Variants in DAPL1 observed in about 807,000 individuals in gnomAD.
DAPL1 encodes death-associated protein-like 1.
Under a neutral mutation model 12.9 loss-of-function variants are expected in DAPL1, and 17 were observed. That is an observed-to-expected ratio of 1.32 (90% confidence interval 0.90 to 1.98). DAPL1 has a LOEUF of 1.98. DAPL1 is among the 30% of genes most tolerant of loss of function. The pLI, the probability that DAPL1 is intolerant of heterozygous loss-of-function variation, is 0.00. For missense variants in DAPL1, 157 were observed against 125.7 expected, an observed-to-expected ratio of 1.25 and a Z score of -1.19; for synonymous variants, 51 against 42.0, an observed-to-expected ratio of 1.21 and a Z score of -0.82.
At chr2:158,798,817 A>G (rs562410508) in intron 1 of DAPL1, among the ~76,000 whole-genome samples, 1 of 152,230 alleles carries the variant, frequency 6.6e-6, no homozygotes, top group South Asian at 2.1e-4. Context: ...CATTTTGCAA[A>G]CATCTAAACT....
intron 3 of DAPL1, among the ~76,000 whole-genome samples, chr2:158,812,005 C>T (rs753349560): frequency 3.9e-5 from 6 of 152,160 alleles, no homozygotes; most frequent in Non-Finnish European, 8.8e-5. Flanking sequence ...TTCATCAATT[C>T]TGATGAAGAT....
At chr2:158,810,082 A>G (rs72995175) in intron 3 of DAPL1, among the ~76,000 whole-genome samples, 1 of 152,146 alleles carries the variant, frequency 6.6e-6, no homozygotes, top group Non-Finnish European at 1.5e-5. Context: ...ACTTGTCAAG[A>G]CTCATAAAGC....
At position 158,807,043 on chromosome 2, in the gene DAPL1, T is replaced by C. The variant is rs1401839031; in HGVS notation, c.147-12T>C. ...TTTAAGTCCTGTTCAAAGTTTCTTT[T>C]CATCTTCACAGTGCCATTGCAAATG... On this transcript the variant is annotated splice_polypyrimidine_tract_variant and intron_variant, in intron 2 of 3. Coordinates refer to ENST00000309950, the MANE Select transcript of DAPL1 (RefSeq NM_001017920.3). 1 of 1,611,910 alleles carries C rather than the reference T, an allele frequency of 6.2e-7. No homozygotes were observed. The highest frequency in any genetic ancestry group is 1.3e-5 in the African/African-American group (1 of 74,876).
chr2:158,797,913 G>A (rs2059143901), intron 1 of DAPL1, among the ~76,000 whole-genome samples: 1 of 152,132 alleles, frequency 6.6e-6, no homozygotes, highest in Admixed American at 6.5e-5. Context: ...GATAGCCCTA[G>A]TTATACATTT....
At chr2:158,796,331 G>A (rs2059134272) in intron 1 of DAPL1, among the ~76,000 whole-genome samples, 1 of 152,162 alleles carries the variant, frequency 6.6e-6, no homozygotes, top group African/African-American at 2.4e-5. Flanking sequence ...TTGCTGCAGA[G>A]GGTGATGGCG....
chr2:158,810,867 A>C (rs1206548090), intron 3 of DAPL1, among the ~76,000 whole-genome samples: 1 of 152,238 alleles, frequency 6.6e-6, no homozygotes, highest in Admixed American at 6.5e-5. Flanking sequence ...GTCTTAGATC[A>C]AGTTCCACCC....
intron 3 of DAPL1, among the ~76,000 whole-genome samples, chr2:158,814,335 T>C (rs2059248649): frequency 1.3e-5 from 2 of 152,230 alleles, no homozygotes; most frequent in Admixed American, 1.3e-4. Flanking sequence ...ATGCAACATT[T>C]ATGATCAATA....
chr2:158,808,341 T>A (rs2059213037), intron 3 of DAPL1, among the ~76,000 whole-genome samples: 3 of 152,182 alleles, frequency 2.0e-5, no homozygotes, highest in Non-Finnish European at 4.4e-5. Context: ...TTCAGTTACA[T>A]GTGTGTATAA....
intron 1 of DAPL1, among the ~76,000 whole-genome samples, chr2:158,799,970 A>C (rs1218253679): frequency 1.3e-5 from 2 of 151,600 alleles, no homozygotes; most frequent in East Asian, 3.9e-4. Context: ...AGGCTGAGGC[A>C]GGAGAATCAC....
intron 3 of DAPL1, among the ~76,000 whole-genome samples, chr2:158,810,583 C>T (rs926563177): frequency 6.6e-6 from 1 of 152,062 alleles, no homozygotes; most frequent in Non-Finnish European, 1.5e-5. Context: ...AAAAATAGTC[C>T]CCGAAGGGCT....
chr2:158,798,465 A>G (rs570277957), intron 1 of DAPL1, among the ~76,000 whole-genome samples: 1 of 152,346 alleles, frequency 6.6e-6, no homozygotes, highest in Non-Finnish European at 1.5e-5. Flanking sequence ...CTCCTGCCCC[A>G]GGGGACAGGG....
intron 1 of DAPL1, among the ~76,000 whole-genome samples, chr2:158,802,421 G>C (rs1218788464): frequency 6.6e-6 from 1 of 152,208 alleles, no homozygotes; most frequent in African/African-American, 2.4e-5. Flanking sequence ...ATGCTAAGAT[G>C]TTTACAGCTG....
intron 1 of DAPL1, among the ~76,000 whole-genome samples, chr2:158,803,301 T>C (rs548035064): frequency 8.5e-5 from 13 of 152,316 alleles, no homozygotes; most frequent in African/African-American, 2.4e-4. Flanking sequence ...ACCAAGACAA[T>C]AAATTAAGTA....
intron 3 of DAPL1, among the ~76,000 whole-genome samples, chr2:158,814,000 CA>C (rs148013117): frequency 0.012 from 1,755 of 152,310 alleles, 32 homozygotes; most frequent in African/African-American, 0.04. Flanking sequence ...TCTGTTATAT[CA>C]GAGTTTTTTT....
intron 1 of DAPL1, among the ~76,000 whole-genome samples, chr2:158,795,692 G>T (rs1280686385): frequency 1.3e-5 from 2 of 152,182 alleles, no homozygotes; most frequent in Admixed American, 6.5e-5. Context: ...AAAGGCATAG[G>T]TAGAGAGGTT....
intron 3 of DAPL1, among the ~76,000 whole-genome samples, chr2:158,813,013 C>A (rs181571718): frequency 2.2e-5 from 3 of 134,742 alleles, no homozygotes. Flanking sequence ...ATAGAAAAAA[C>A]GTGGTATATA....
At chr2:158,797,142 G>A (rs1173332126) in intron 1 of DAPL1, among the ~76,000 whole-genome samples, 1 of 152,168 alleles carries the variant, frequency 6.6e-6, no homozygotes, top group Non-Finnish European at 1.5e-5. Flanking sequence ...CGATTCGGTG[G>A]GGAGGGTGGG....
At chr2:158,807,027 T>A in intron 2 of DAPL1, 28 bp from the exon 3 acceptor site, 1 of 1,601,824 alleles carries the variant, frequency 6.2e-7, no homozygotes, top group Non-Finnish European at 8.6e-7. Context: ...TTTTAAGTCC[T>A]GTTCAAAGTT....
intron 3 of DAPL1, among the ~76,000 whole-genome samples, chr2:158,813,928 T>G (rs74923781): frequency 0.12 from 18,357 of 152,192 alleles, 1,421 homozygotes; most frequent in Middle Eastern, 0.2. Context: ...ACATGTGGCT[T>G]TCTTTGTTTC....
Sources: gnomAD v4.1 joint callset for allele counts (sites outside exome capture counted in the v4.1 genomes callset) on GRCh38, gnomAD v4.1.1 for gene constraint, MANE v1.5 for transcripts, NCBI Gene and HGNC (gene_info 2026-07-23, HGNC 2026-07-21) for gene names.